The following PRKCB variants were observed in gnomAD, a reference collection of about 807,000 sequenced individuals.
PRKCB encodes the protein protein kinase C beta.
PRKCB carries 13 observed loss-of-function variants against 81.5 expected under a neutral mutation model. That is an observed-to-expected ratio of 0.16 (90% CI 0.10 to 0.25). The LOEUF (loss-of-function observed/expected upper bound fraction) is 0.25, where lower values mean the gene tolerates loss of function less well. Among genes scored for constraint, PRKCB ranks in the 10% least tolerant of loss-of-function variants. PRKCB has a pLI of 1.00. For missense variants in PRKCB, 509 were observed against 875.7 expected, an observed-to-expected ratio of 0.58 and a Z score of 5.29; for synonymous variants, 335 against 321.4, an observed-to-expected ratio of 1.04 and a Z score of -0.45.
chr16:24,111,712 T>C (rs1966678571), intron 7 of PRKCB, among the ~76,000 whole-genome samples: 2 of 151,832 alleles, frequency 1.3e-5, no homozygotes, highest in Non-Finnish European at 2.9e-5. Context: ...GCCGGAGGAT[T>C]GTTTGAGCCC....
chr16:24,014,126 A>G (rs1965242463), intron 3 of PRKCB, among the ~76,000 whole-genome samples: 1 of 152,234 alleles, frequency 6.6e-6, no homozygotes. Flanking sequence ...CTGGGCATCC[A>G]GGGCTGCACC....
rs1445823898 is a variant in PRKCB, at chr16:23,960,495, G to A, written c.206-28013G>A. Among the ~76,000 whole-genome samples the A allele has an allele frequency of 4.6e-5, 7 of 151,664 alleles. No individual in the cohort carries two copies. The South Asian group carries it at 6.2e-4, about 14-fold the overall frequency. On this transcript the variant is annotated intron_variant, in intron 2 of 16. Transcript: ENST00000643927. Reference sequence around the variant, plus strand: ...TTCAACTGTTATTTTAAGTTCTAGGGTACATGTGCAGGATGTGCAGATTTG... The same window carrying A: ...TTCAACTGTTATTTTAAGTTCTAGGATACATGTGCAGGATGTGCAGATTTG...
At chr16:23,965,738 C>G (rs1008831632) in intron 2 of PRKCB, among the ~76,000 whole-genome samples, 2 of 152,234 alleles carry the variant, frequency 1.3e-5, no homozygotes, top group Non-Finnish European at 2.9e-5. Context: ...ATCCTGCCTT[C>G]TCCGGGAGCT....
chr16:23,970,793 G>A (rs541768312), intron 2 of PRKCB, among the ~76,000 whole-genome samples: 1 of 152,236 alleles, frequency 6.6e-6, no homozygotes, highest in Non-Finnish European at 1.5e-5. Flanking sequence ...CCCAAGGGGA[G>A]GATGAACAGG....
At chr16:24,186,460 G>A (rs548958085) in intron 15 of PRKCB, among the ~76,000 whole-genome samples, 74 of 152,232 alleles carry the variant, frequency 4.9e-4, no homozygotes, top group Non-Finnish European at 8.8e-4. Context: ...AGAATTAGAC[G>A]CCCAGAAAAT....
intron 2 of PRKCB, among the ~76,000 whole-genome samples, chr16:23,931,443 G>A (rs569017450): frequency 2.0e-5 from 3 of 152,292 alleles, no homozygotes; most frequent in Non-Finnish European, 4.4e-5. Flanking sequence ...TGGAAGACAG[G>A]GACCCCTGTG....
chr16:24,034,353 T>A (rs1965586690), intron 4 of PRKCB, among the ~76,000 whole-genome samples: 1 of 152,160 alleles, frequency 6.6e-6, no homozygotes, highest in African/African-American at 2.4e-5. Context: ...TAGGGGCCCA[T>A]GGGGTGACTT....
At chr16:23,899,182 G>A (rs145792158) in intron 2 of PRKCB, among the ~76,000 whole-genome samples, 3 of 152,084 alleles carry the variant, frequency 2.0e-5, no homozygotes, top group South Asian at 2.1e-4. Context: ...TTCTCCCTCC[G>A]CTCCCACAGA....
At chr16:23,967,904 C>T (rs758020732) in intron 2 of PRKCB, among the ~76,000 whole-genome samples, 11 of 152,136 alleles carry the variant, frequency 7.2e-5, no homozygotes, top group Non-Finnish European at 1.2e-4. Flanking sequence ...GTCCACCTGC[C>T]GTGGCCTTCC....
intron 2 of PRKCB, among the ~76,000 whole-genome samples, chr16:23,854,638 C>A (rs1962531825): frequency 6.6e-6 from 1 of 152,192 alleles, no homozygotes; most frequent in South Asian, 2.1e-4. Context: ...AGGCTCAGAA[C>A]ATGCATAACA....
chr16:24,109,004 G>GGCTGGCCAGGTGGGGGGCT (rs1966624812), intron 7 of PRKCB, among the ~76,000 whole-genome samples: 1 of 135,640 alleles, frequency 7.4e-6, no homozygotes, highest in African/African-American at 3.1e-5. Context: ...CCTCCCTCCC[G>GGCTGGCCAGGTGGGGGGCT]GACGGGGCGG....
chr16:23,952,640 G>A (rs935696347), intron 2 of PRKCB, among the ~76,000 whole-genome samples: 5 of 152,188 alleles, frequency 3.3e-5, no homozygotes, highest in African/African-American at 1.2e-4. Flanking sequence ...TGTCCACGTG[G>A]TTCCCTGGTG....
At chr16:23,950,114 T>C (rs990952352) in intron 2 of PRKCB, among the ~76,000 whole-genome samples, 9 of 138,884 alleles carry the variant, frequency 6.5e-5, no homozygotes, top group Non-Finnish European at 1.4e-4. Flanking sequence ...AACAGCAGCA[T>C]TGGCCCCTAT....
intron 9 of PRKCB, among the ~76,000 whole-genome samples, chr16:24,129,413 G>A (rs1199290360): frequency 6.6e-6 from 1 of 151,898 alleles, no homozygotes; most frequent in Non-Finnish European, 1.5e-5. Context: ...TGTAAAAATG[G>A]TATTTACTGG....
chr16:24,000,704 T>G (rs187162395), intron 3 of PRKCB, among the ~76,000 whole-genome samples: 3 of 152,344 alleles, frequency 2.0e-5, no homozygotes, highest in African/African-American at 7.2e-5. Flanking sequence ...TTGCTCCACC[T>G]AGGTCCATAA....
intron 2 of PRKCB, among the ~76,000 whole-genome samples, chr16:23,913,026 C>G (rs1338155041): frequency 2.0e-5 from 3 of 151,972 alleles, no homozygotes; most frequent in African/African-American, 7.3e-5. Flanking sequence ...GTCTTGAACT[C>G]CTGGGCTTAA....
chr16:23,923,911 G>T (rs1218609559), intron 2 of PRKCB, among the ~76,000 whole-genome samples: 1 of 152,080 alleles, frequency 6.6e-6, no homozygotes, highest in Non-Finnish European at 1.5e-5. Context: ...CACTGAGGGA[G>T]GAAAATGATT....
chr16:24,136,865 A>T (rs28626727), intron 9 of PRKCB, among the ~76,000 whole-genome samples: 19 of 151,868 alleles, frequency 1.3e-4, no homozygotes, highest in African/African-American at 4.1e-4. Flanking sequence ...TTTTATTTTA[A>T]TTTTTTTATT....
intron 2 of PRKCB, among the ~76,000 whole-genome samples, chr16:23,984,368 G>A (rs1463899186): frequency 6.6e-6 from 1 of 152,132 alleles, no homozygotes; most frequent in Non-Finnish European, 1.5e-5. Context: ...TAGTCTTAGA[G>A]TTTGCAAATG....
Sources: gnomAD v4.1 joint callset for allele counts (sites outside exome capture counted in the v4.1 genomes callset) on GRCh38, gnomAD v4.1.1 for gene constraint, MANE v1.5 for transcripts, NCBI Gene and HGNC (gene_info 2026-07-23, HGNC 2026-07-21) for gene names.